Variants in TBC1D8 observed in about 807,000 individuals in gnomAD.
TBC1D8 encodes BUB2-like protein 1.
TBC1D8 carries 65 observed loss-of-function variants against 118.8 expected under a neutral mutation model. The observed-to-expected ratio is 0.55, with a 90% CI of 0.45 to 0.67. The LOEUF is 0.67. Ranked by LOEUF, TBC1D8 falls within the 30% of genes least tolerant of loss-of-function variation. The pLI, the probability that TBC1D8 is intolerant of heterozygous loss-of-function variation, is 0.00. For missense variants in TBC1D8, 1,376 were observed against 1,471.2 expected, an observed-to-expected ratio of 0.94 and a Z score of 1.06; for synonymous variants, 566 against 595.8, an observed-to-expected ratio of 0.95 and a Z score of 0.73.
rs778038303 is a variant in TBC1D8, at chr2:101,037,730, GAC to G, written c.1276-24_1276-23del. The stretch of plus-strand genomic sequence containing the variant: ...AAGCCTGCACAGCAAGAGAGACAGA[GAC>G]AGAGAGAGAGAGGAGAGGAGAAAAT... On this transcript the variant is annotated intron_variant, in intron 7 of 19. Transcript: ENST00000409318. The G allele has an allele frequency of 8.3e-5, 133 of 1,610,166 alleles. No individual in the cohort carries two copies. The African/African-American group carries it at 1.4e-3, about 17-fold the overall frequency.
intron 17 of TBC1D8, among the ~76,000 whole-genome samples, chr2:101,013,442 C>T (rs975151905): frequency 2.6e-5 from 4 of 152,210 alleles, no homozygotes; most frequent in Admixed American, 2.6e-4. Context: ...ATTCAAGCGT[C>T]TAAATGGATT....
intron 2 of TBC1D8, among the ~76,000 whole-genome samples, chr2:101,060,944 T>C (rs1343637911): frequency 6.6e-6 from 1 of 152,050 alleles, no homozygotes; most frequent in Non-Finnish European, 1.5e-5. Context: ...TCCCAGCACT[T>C]TGGGAGGCCG....
At chr2:101,142,204 G>A (rs1403699237) in intron 1 of TBC1D8, among the ~76,000 whole-genome samples, 1 of 152,060 alleles carries the variant, frequency 6.6e-6, no homozygotes, top group Non-Finnish European at 1.5e-5. Flanking sequence ...GCTCTGCTTG[G>A]AAACAATTTG....
chr2:101,145,652 T>C (rs1346251724), intron 1 of TBC1D8, among the ~76,000 whole-genome samples: 2 of 152,156 alleles, frequency 1.3e-5, no homozygotes, highest in Non-Finnish European at 2.9e-5. Context: ...GCCTGTCAGT[T>C]TCACCTCCCC....
rs1376203292 is a variant in TBC1D8, at chr2:101,022,373, G to A, written c.2669C>T (p.Ala890Val). 2 of 1,613,456 alleles carry A rather than the reference G, an allele frequency of 1.2e-6. No individual in the cohort carries two copies. The highest frequency in any genetic ancestry group is 1.1e-5 in the South Asian group (1 of 91,060). Residue 890 changes from alanine to valine, a missense_variant, in exon 16 of 20, where the codon GCC becomes GTC. Transcript: ENST00000409318. The stretch of plus-strand genomic sequence containing the variant: ...CCTTTCGGCGAGGATCTCCGTGTGG[G>A]CCCCGCAGGTCCAGGGCGAGACTAG... ...FQLVSPWTCG[A>V]HTEILAERTF... is the part of the protein sequence containing the mutation.
At chr2:101,027,743 G>A (rs72821059) in intron 14 of TBC1D8, among the ~76,000 whole-genome samples, 12,892 of 152,254 alleles carry the variant, frequency 0.085, 748 homozygotes, top group Middle Eastern at 0.2. Context: ...CCTTCTGAGC[G>A]CCAGCTAATG....
At chr2:101,104,524 C>T (rs1243138110) in intron 1 of TBC1D8, among the ~76,000 whole-genome samples, 1 of 152,132 alleles carries the variant, frequency 6.6e-6, no homozygotes, top group Non-Finnish European at 1.5e-5. Flanking sequence ...ATATGTAAGT[C>T]AATACTTAGT....
At chr2:101,123,817 G>A (rs145814343) in intron 1 of TBC1D8, among the ~76,000 whole-genome samples, 137 of 152,304 alleles carry the variant, frequency 9.0e-4, no homozygotes, top group African/African-American at 3.2e-3. Context: ...GTCCTGCAGA[G>A]CCCCTGACAG....
At chr2:101,123,546 A>C (rs1312439024) in intron 1 of TBC1D8, among the ~76,000 whole-genome samples, 1 of 151,878 alleles carries the variant, frequency 6.6e-6, no homozygotes, top group Admixed American at 6.6e-5. Context: ...ACCTGATCTC[A>C]CCTGCCCCCG....
At chr2:101,134,841 G>A (rs1678771755) in intron 1 of TBC1D8, among the ~76,000 whole-genome samples, 2 of 152,200 alleles carry the variant, frequency 1.3e-5, no homozygotes, top group South Asian at 4.1e-4. Flanking sequence ...GTTGAAATCT[G>A]GCTTTCCAGG....
At chr2:101,087,533 C>T (rs1675718857) in intron 2 of TBC1D8, among the ~76,000 whole-genome samples, 1 of 151,170 alleles carries the variant, frequency 6.6e-6, no homozygotes. Flanking sequence ...ATCCCAGCTA[C>T]TTGGGAGGCT....
intron 5 of TBC1D8, among the ~76,000 whole-genome samples, chr2:101,041,384 AAC>A (rs1431372433): frequency 4.0e-4 from 61 of 152,354 alleles, no homozygotes; most frequent in African/African-American, 1.4e-3. Context: ...TGAGTGCCAC[AAC>A]AGAGATGAAC....
At chr2:101,121,548 G>A (rs866615142) in intron 1 of TBC1D8, among the ~76,000 whole-genome samples, 29 of 152,346 alleles carry the variant, frequency 1.9e-4, no homozygotes, top group Middle Eastern at 3.4e-3. Context: ...GTCCCAGGAC[G>A]GTGAAAGGAG....
intron 15 of TBC1D8, among the ~76,000 whole-genome samples, chr2:101,027,092 A>G (rs1227511068): frequency 6.6e-6 from 1 of 152,238 alleles, no homozygotes; most frequent in African/African-American, 2.4e-5. Flanking sequence ...AGTAGATCAC[A>G]GCACCGAAGC....
Position 101,085,023 on chromosome 2 carries a change from GT to G in TBC1D8, c.283+5185del, listed in dbSNP as rs777546978. Among the ~76,000 whole-genome samples, 45 of 149,664 alleles carry G rather than the reference GT, an allele frequency of 3.0e-4. 1 individual carries two copies. The highest frequency in any genetic ancestry group is 2.0e-3 in the Admixed American group (30 of 14,946). ...GCCACCAGGCCCAGCTAATTTTTTT[GT>G]TTTTTTTTAGTAGAGTCGGGGTTTC... On this transcript the variant is annotated intron_variant, in intron 2 of 19. Transcript: ENST00000409318.
chr2:101,010,916 A>G lies in TBC1D8; in HGVS notation c.3015+13T>C, dbSNP rs1679161645. ...AAAAAAAGTTAATTCTCTGCACTGA[A>G]GAAAGTCCATACCTGGCTCATTTTG... On this transcript the variant is annotated intron_variant, in intron 19 of 19. Transcript: ENST00000409318. The G allele has an allele frequency of 6.2e-7, 1 of 1,605,288 alleles. No individual in the cohort carries two copies. The highest frequency in any genetic ancestry group is 8.5e-7 in the Non-Finnish European group (1 of 1,176,660).
intron 2 of TBC1D8, among the ~76,000 whole-genome samples, chr2:101,071,679 A>G (rs1035498396): frequency 6.6e-6 from 1 of 152,212 alleles, no homozygotes; most frequent in African/African-American, 2.4e-5. Context: ...TTAATTTTAA[A>G]TAATTTACTA....
Position 101,012,625 on chromosome 2 carries a change from C to CAA in TBC1D8, c.2828-1087_2828-1086dup, listed in dbSNP as rs71378138. Reference sequence around the variant, plus strand: ...TGATCGCTGCACAACTCTGAATATACAAAAAAAAAAAAACCCATTGAATTG... The same window carrying CAA: ...TGATCGCTGCACAACTCTGAATATACAAAAAAAAAAAAAAACCCATTGAATTG... On this transcript the variant is annotated intron_variant, in intron 17 of 19. Coordinates refer to ENST00000409318, the MANE Select transcript of TBC1D8 (RefSeq NM_001330348.2). Among the ~76,000 whole-genome samples the CAA allele has an allele frequency of 2.0e-4, 27 of 135,138 alleles. 1 individual carries two copies. Among genetic ancestry groups the CAA allele is most frequent in the African/African-American group, 7.2e-4 (26 of 36,354 alleles). The allele number at this position is 135,138 out of a possible 152,430, so 88.7% of individuals were successfully genotyped here. A position where few individuals can be genotyped will look rare whatever the true frequency, so the allele number is the denominator to read the frequency against.
intron 14 of TBC1D8, among the ~76,000 whole-genome samples, chr2:101,027,827 CATTTTA>C (rs1680425156): frequency 6.6e-6 from 1 of 152,236 alleles, no homozygotes; most frequent in South Asian, 2.1e-4. Context: ...CTGTTATCCC[CATTTTA>C]CACGGGGGAA....
Sources: gnomAD v4.1 joint callset for allele counts (sites outside exome capture counted in the v4.1 genomes callset) on GRCh38, gnomAD v4.1.1 for gene constraint, MANE v1.5 for transcripts, NCBI Gene and HGNC (gene_info 2026-07-23, HGNC 2026-07-21) for gene names.